The following RBM33 variants were observed in gnomAD, a reference collection of about 807,000 sequenced individuals.
RBM33 encodes the protein RNA binding motif protein 33, also known as RNA-binding protein 33.
A neutral mutation model predicts 132.6 loss-of-function variants in RBM33; 28 were observed. The observed-to-expected ratio is 0.21, with a 90% CI of 0.16 to 0.29. RBM33 has a LOEUF of 0.29. Ranked by LOEUF, RBM33 falls within the 10% of genes least tolerant of loss-of-function variation. The pLI, the probability that RBM33 is intolerant of heterozygous loss-of-function variation, is 1.00. For missense variants in RBM33, 1,291 were observed against 1,518.5 expected (o/e 0.85, Z 2.49); for synonymous variants, 634 against 593.0 (o/e 1.07, Z -1.01).
intron 1 of RBM33, among the ~76,000 whole-genome samples, chr7:155,646,308 G>A (rs1024257096): frequency 1.3e-5 from 2 of 152,166 alleles, no homozygotes; most frequent in Non-Finnish European, 1.5e-5. Flanking sequence ...TAATATCACT[G>A]AATGTAATCC....
intron 6 of RBM33, 126 bp downstream of exon 6, chr7:155,701,070 G>T: frequency 1.2e-6 from 1 of 806,140 alleles, no homozygotes; most frequent in South Asian, 1.5e-5. Flanking sequence ...TCCGGAGAGT[G>T]GCCGGACTTT....
intron 8 of RBM33, among the ~76,000 whole-genome samples, chr7:155,717,619 T>G (rs533247727): frequency 6.8e-4 from 104 of 152,164 alleles, no homozygotes; most frequent in African/African-American, 2.2e-3. Context: ...TGCCAGCACA[T>G]TTTGCTGTAA....
rs139278720 is a variant in RBM33, at chr7:155,736,541, C to A, written c.1261-989C>A. 9.9e-5 allele frequency among the ~76,000 whole-genome samples: 15 copies of A among 152,276 alleles called. No homozygotes were observed. In the East Asian group the frequency reaches 2.7e-3, roughly 27 times the overall value. Reference sequence around the variant, plus strand: ...GAAAAAGGAAGTAATTTTAATTTGTCTCTAAAGAGTTCTAGTAACATGTAG... The same window carrying A: ...GAAAAAGGAAGTAATTTTAATTTGTATCTAAAGAGTTCTAGTAACATGTAG... On this transcript the variant is annotated intron_variant, in intron 9 of 17. Coordinates refer to ENST00000401878, the MANE Select transcript of RBM33 (RefSeq NM_053043.3).
intron 16 of RBM33, among the ~76,000 whole-genome samples, chr7:155,767,964 G>A (rs1303807612): frequency 6.6e-6 from 1 of 152,216 alleles, no homozygotes; most frequent in African/African-American, 2.4e-5. Context: ...GTGTAGCAGT[G>A]AGTCCAGATG....
chr7:155,688,404 C>G (rs1799537315), intron 5 of RBM33, among the ~76,000 whole-genome samples: 1 of 152,160 alleles, frequency 6.6e-6, no homozygotes, highest in South Asian at 2.1e-4. Context: ...TCTAAATACA[C>G]AGTCATATCA....
intron 16 of RBM33, 74 bp downstream of exon 16, chr7:155,766,729 A>G: frequency 1.4e-6 from 2 of 1,429,014 alleles, no homozygotes; most frequent in South Asian, 1.2e-5. Flanking sequence ...GATTTAAAAC[A>G]CAGTGCCCTT....
chr7:155,720,071 T>C (rs544653850), intron 9 of RBM33, among the ~76,000 whole-genome samples: 13 of 152,180 alleles, frequency 8.5e-5, no homozygotes, highest in Non-Finnish European at 1.3e-4. Flanking sequence ...AGTTATATAG[T>C]ACTCTAAGCA....
At chr7:155,651,382 T>TG (rs1164477781) in intron 1 of RBM33, among the ~76,000 whole-genome samples, 1 of 152,210 alleles carries the variant, frequency 6.6e-6, no homozygotes, top group Non-Finnish European at 1.5e-5. Context: ...GAGGACATTC[T>TG]GATTCCTAAT....
In RBM33 at chr7:155,676,154, C is replaced by G. The variant is rs540679609; in HGVS notation, c.172-2454C>G. Among the ~76,000 whole-genome samples the G allele has an allele frequency of 5.9e-5, 9 of 152,224 alleles. 2 individuals are homozygous for G. In the East Asian group the frequency reaches 1.7e-3, roughly 29 times the overall value. On this transcript the variant is annotated intron_variant, in intron 3 of 17. Transcript: ENST00000401878. ...GAGAGACTCCTAAGGCGCAGATAGC[C>G]CGAGGGAGGCGCATAGTACTGAGAA...
chr7:155,653,774 G>A (rs1374018912), intron 1 of RBM33, among the ~76,000 whole-genome samples: 1 of 152,162 alleles, frequency 6.6e-6, no homozygotes. Flanking sequence ...AGTAAGTACG[G>A]TGTTTTCCTG....
At chr7:155,675,225 C>G (rs997852637) in intron 3 of RBM33, among the ~76,000 whole-genome samples, 2 of 142,352 alleles carry the variant, frequency 1.4e-5, no homozygotes, top group Non-Finnish European at 3.0e-5. Flanking sequence ...ACCTGGGAGG[C>G]GGAGGTTGCA....
rs71186053 is a variant in RBM33 at position 155,673,940 on chromosome 7, GTTTTTTTTTTTTTTTT to G, written c.171+1042_171+1057del. The stretch of plus-strand genomic sequence containing the variant: ...TCATTATCAAGATAGTTTAGGCTTA[GTTTTTTTTTTTTTTTT>G]TTTTTTTTTTTTTTTTGAGACACAG... On this transcript the variant is annotated intron_variant, in intron 3 of 17. Coordinates refer to ENST00000401878, the MANE Select transcript of RBM33 (RefSeq NM_053043.3). Among the ~76,000 whole-genome samples the G allele has an allele frequency of 1.7e-4, 9 of 54,198 alleles. 1 individual carries two copies. In the Middle Eastern group the frequency reaches 0.032, roughly 192 times the overall value. 35.6% of individuals were successfully genotyped at this position (54,198 alleles called of 152,430 possible). A position where few individuals can be genotyped will look rare whatever the true frequency, so the allele number is the denominator to read the frequency against.
intron 16 of RBM33, 80 bp downstream of exon 16, chr7:155,766,735 C>A: frequency 7.3e-7 from 1 of 1,365,132 alleles, no homozygotes; most frequent in Non-Finnish European, 1.0e-6. Flanking sequence ...AAACACAGTG[C>A]CCTTTGTGTT....
chr7:155,687,739 T>C lies in RBM33; in HGVS notation c.567+6831T>C, dbSNP rs1322852826. On this transcript the variant is annotated intron_variant, in intron 5 of 17. Transcript: ENST00000401878. Reference sequence around the variant, plus strand: ...CACCATTTATTAAATAGGGGATCCTTTCCCCATTTCTTGTTTTTGTCAGGT... The same window carrying C: ...CACCATTTATTAAATAGGGGATCCTCTCCCCATTTCTTGTTTTTGTCAGGT... Among the ~76,000 whole-genome samples the C allele has an allele frequency of 2.0e-5, 3 of 152,224 alleles. No homozygotes were observed. The East Asian group carries it at 5.8e-4, about 29-fold the overall frequency.
chr7:155,688,075 C>T (rs908311115), intron 5 of RBM33, among the ~76,000 whole-genome samples: 1 of 152,142 alleles, frequency 6.6e-6, no homozygotes, highest in African/African-American at 2.4e-5. Flanking sequence ...ACAGTATGGC[C>T]ATTTTCACGA....
At chr7:155,657,053 C>T (rs552560778) in intron 1 of RBM33, among the ~76,000 whole-genome samples, 11 of 151,442 alleles carry the variant, frequency 7.3e-5, no homozygotes, top group Non-Finnish European at 1.2e-4. Flanking sequence ...GTGAAGGATA[C>T]AGGTTTCATG....
intron 5 of RBM33, among the ~76,000 whole-genome samples, chr7:155,682,659 C>T (rs938559269): frequency 5.9e-5 from 9 of 152,214 alleles, no homozygotes; most frequent in Non-Finnish European, 1.2e-4. Context: ...TAAACCGTGT[C>T]ATGAACATTG....
chr7:155,737,459 A>G lies in RBM33; in HGVS notation c.1261-71A>G, dbSNP rs112656853. On this transcript the variant is annotated intron_variant, in intron 9 of 17. Coordinates refer to ENST00000401878, the MANE Select transcript of RBM33 (RefSeq NM_053043.3). ...TTGAGGAAAACTTGGAACCAGGTCTATATTTCTAAAAATTACATACCATTT... is the reference window on the plus strand; with the variant it reads ...TTGAGGAAAACTTGGAACCAGGTCTGTATTTCTAAAAATTACATACCATTT... 347 of 1,471,312 alleles carry G rather than the reference A, an allele frequency of 2.4e-4. 4 individuals carry two copies. The African/African-American group carries it at 3.9e-3, about 16-fold the overall frequency. 91.1% of individuals were successfully genotyped at this position (1,471,312 alleles called of 1,614,324 possible).
At chr7:155,749,873 G>A (rs1801640528) in intron 14 of RBM33, among the ~76,000 whole-genome samples, 1 of 152,198 alleles carries the variant, frequency 6.6e-6, no homozygotes, top group Non-Finnish European at 1.5e-5. Flanking sequence ...GTCTATCCTT[G>A]AACATTTCTG....
Sources: gnomAD v4.1 joint callset for allele counts (sites outside exome capture counted in the v4.1 genomes callset) on GRCh38, gnomAD v4.1.1 for gene constraint, MANE v1.5 for transcripts, NCBI Gene and HGNC (gene_info 2026-07-23, HGNC 2026-07-21) for gene names.